SLC8A1: variants seen among roughly 807,000 people sequenced by gnomAD.
SLC8A1 encodes solute carrier family 8 member A1.
SLC8A1 carries 18 observed loss-of-function variants against 68.3 expected under a neutral mutation model. The observed-to-expected ratio is 0.26, with a 90% confidence interval of 0.18 to 0.39. SLC8A1 has a LOEUF of 0.39. Ranked by LOEUF, SLC8A1 falls within the 10% of genes least tolerant of loss-of-function variation. The pLI, the probability that SLC8A1 is intolerant of heterozygous loss-of-function variation, is 1.00. For synonymous variants in SLC8A1, 475 were observed against 415.5 expected, an observed-to-expected ratio of 1.14 and a Z score of -1.74; for missense variants, 985 against 1,156.7, an observed-to-expected ratio of 0.85 and a Z score of 2.15.
intron 2 of SLC8A1, among the ~76,000 whole-genome samples, chr2:40,382,407 C>T (rs557158697): frequency 2.0e-5 from 3 of 152,096 alleles, no homozygotes; most frequent in South Asian, 2.1e-4. Context: ...ATTTTTATTC[C>T]GTAACCTGTT....
intron 1 of SLC8A1, among the ~76,000 whole-genome samples, chr2:40,458,653 C>T (rs1217185257): frequency 3.3e-5 from 5 of 152,136 alleles, no homozygotes; most frequent in Non-Finnish European, 7.3e-5. Context: ...GTCTGTGACA[C>T]TGCAGGACGA....
At position 40,272,095 on chromosome 2, in the gene SLC8A1, CT is replaced by C. The variant is rs1343584483; in HGVS notation, c.1809-94241del. On this transcript the variant is annotated intron_variant, in intron 2 of 7. Coordinates refer to ENST00000406785, the Ensembl canonical transcript of SLC8A1. ...TATTGCCCTGGCTGGCCCGGAACGC[CT>C]GGTCGCAAATGCTCCTCCCACCTCA... is the stretch of plus-strand genomic sequence containing the variant. 2.0e-5 allele frequency among the ~76,000 whole-genome samples: 3 copies of C among 152,202 alleles called. No individual in the cohort carries two copies. The East Asian group carries it at 5.8e-4, about 29-fold the overall frequency.
chr2:40,388,281 T>C (rs1684223181), intron 2 of SLC8A1, among the ~76,000 whole-genome samples: 1 of 152,170 alleles, frequency 6.6e-6, no homozygotes, highest in South Asian at 2.1e-4. Flanking sequence ...GTTTTATGGA[T>C]CACATTAATG....
chr2:40,413,042 C>A (rs1164394536), intron 2 of SLC8A1, among the ~76,000 whole-genome samples: 1 of 152,134 alleles, frequency 6.6e-6, no homozygotes, highest in Admixed American at 6.5e-5. Flanking sequence ...CCTAATGCTA[C>A]CCCTCCTCCC....
intron 2 of SLC8A1, among the ~76,000 whole-genome samples, chr2:40,345,660 A>G (rs957504131): frequency 2.0e-5 from 3 of 152,288 alleles, no homozygotes; most frequent in South Asian, 4.1e-4. Flanking sequence ...CCCTCTATGC[A>G]GCCATAGAAA....
intron 1 of SLC8A1, among the ~76,000 whole-genome samples, chr2:40,497,118 G>C (rs1213004207): frequency 2.6e-5 from 4 of 151,954 alleles, no homozygotes; most frequent in Non-Finnish European, 5.9e-5. Flanking sequence ...GTGGACTTTA[G>C]AATGCAAAGA....
At chr2:40,385,529 T>A (rs1273652928) in intron 2 of SLC8A1, among the ~76,000 whole-genome samples, 3 of 151,146 alleles carry the variant, frequency 2.0e-5, no homozygotes, top group Admixed American at 2.0e-4. Flanking sequence ...GGGATAATGA[T>A]AATAATAACA....
intron 2 of SLC8A1, among the ~76,000 whole-genome samples, chr2:40,410,503 G>T (rs1691778232): frequency 6.6e-6 from 1 of 151,752 alleles, no homozygotes; most frequent in African/African-American, 2.4e-5. Context: ...TATTTCCGGG[G>T]AAAAACAAAA....
chr2:40,100,677 G>A (rs2033840664), exon 8 of SLC8A1: 1 of 152,154 alleles, frequency 6.6e-6, no homozygotes, highest in Non-Finnish European at 1.5e-5. Context: ...TGGTAATCAG[G>A]TGTGAGTGAG....
intron 2 of SLC8A1, among the ~76,000 whole-genome samples, chr2:40,330,946 A>G (rs2076345342): frequency 2.0e-5 from 3 of 152,204 alleles, no homozygotes; most frequent in Admixed American, 2.0e-4. Flanking sequence ...CCACATACAA[A>G]ATTGAATGAA....
chr2:40,435,777 TTTTG>T (rs1699281036), intron 1 of SLC8A1, among the ~76,000 whole-genome samples: 1 of 152,022 alleles, frequency 6.6e-6, no homozygotes, highest in Non-Finnish European at 1.5e-5. Flanking sequence ...CTTATTACTT[TTTTG>T]TTTTTGTTTT....
intron 2 of SLC8A1, among the ~76,000 whole-genome samples, chr2:40,325,026 A>C (rs1307893871): frequency 1.3e-5 from 2 of 151,202 alleles, no homozygotes; most frequent in Non-Finnish European, 3.0e-5. Context: ...AGGAATCCCC[A>C]CCACATCCCT....
chr2:40,142,261 T>C (rs1195437325), intron 6 of SLC8A1, among the ~76,000 whole-genome samples: 1 of 152,164 alleles, frequency 6.6e-6, no homozygotes, highest in Non-Finnish European at 1.5e-5. Context: ...GAGATGCAAT[T>C]CTCAGGGTTT....
intron 1 of SLC8A1, among the ~76,000 whole-genome samples, chr2:40,441,850 G>C (rs745776626): frequency 6.6e-6 from 1 of 151,830 alleles, no homozygotes; most frequent in Non-Finnish European, 1.5e-5. Flanking sequence ...TCAGGGCATG[G>C]GTATGGGCAA....
At chr2:40,142,945 A>AGTGTGTGT (rs113217495) in intron 6 of SLC8A1, among the ~76,000 whole-genome samples, 3 of 148,982 alleles carry the variant, frequency 2.0e-5, no homozygotes, top group Admixed American at 1.3e-4. Context: ...TGTGTGTGTG[A>AGTGTGTGT]GTGTGTGTGT....
intron 1 of SLC8A1, among the ~76,000 whole-genome samples, chr2:40,499,026 G>T (rs1705887182): frequency 6.6e-6 from 1 of 152,034 alleles, no homozygotes; most frequent in Admixed American, 6.6e-5. Context: ...CCAGTTACAT[G>T]ATAAGAGAAT....
At chr2:40,358,039 C>T (rs576995621) in intron 2 of SLC8A1, among the ~76,000 whole-genome samples, 74 of 107,178 alleles carry the variant, frequency 6.9e-4, no homozygotes, top group Middle Eastern at 7.0e-3. Context: ...ACAATACATG[C>T]AACTGAAGGA....
intron 2 of SLC8A1, among the ~76,000 whole-genome samples, chr2:40,292,974 C>T (rs564880726): frequency 1.3e-4 from 20 of 152,218 alleles, no homozygotes; most frequent in Admixed American, 1.3e-3. Flanking sequence ...GACCTGTGTG[C>T]CTTTCCATCT....
In SLC8A1 at chr2:40,380,586, G is replaced by A. The variant is rs190632214; in HGVS notation, c.1808+47887C>T. ...ATTACTAATTATTCGGCACAAGTGGGTTCCACCAGCTGCACTTGAAGAACA... is the reference window on the plus strand; with the variant it reads ...ATTACTAATTATTCGGCACAAGTGGATTCCACCAGCTGCACTTGAAGAACA... On this transcript the variant is annotated intron_variant, in intron 2 of 7. Coordinates refer to ENST00000406785, the Ensembl canonical transcript of SLC8A1. Among the ~76,000 whole-genome samples, 42 of 152,178 alleles carry A rather than the reference G, an allele frequency of 2.8e-4. 1 individual carries two copies. The East Asian group carries it at 7.9e-3, about 29-fold the overall frequency.
Sources: gnomAD v4.1 joint callset for allele counts (sites outside exome capture counted in the v4.1 genomes callset) on GRCh38, gnomAD v4.1.1 for gene constraint, MANE v1.5 for transcripts, NCBI Gene and HGNC (gene_info 2026-07-23, HGNC 2026-07-21) for gene names.